METTL21A: variants seen among roughly 807,000 people sequenced by gnomAD.
METTL21A encodes protein N-lysine methyltransferase METTL21A.
Under a neutral mutation model 20.9 loss-of-function variants are expected in METTL21A, and 22 were observed. The ratio of observed to expected loss-of-function variants is 1.05; its 90% CI spans 0.75 to 1.50. METTL21A has a LOEUF of 1.50. Ranked by LOEUF, METTL21A falls within the 40% of genes most tolerant of loss-of-function variation. The probability of loss-of-function intolerance (pLI) is 0.00; values close to 1 mark genes in which losing one functional copy is unlikely to be tolerated. For synonymous variants in METTL21A, 93 were observed against 102.0 expected (o/e 0.91, Z 0.53); for missense variants, 271 against 266.8 (o/e 1.02, Z -0.11).
intron 2 of METTL21A, among the ~76,000 whole-genome samples, chr2:207,622,343 G>GT (rs1425269304): frequency 6.6e-6 from 1 of 151,738 alleles, no homozygotes; most frequent in Middle Eastern, 3.2e-3. Context: ...AATTTTTGTA[G>GT]TTTTTTTGGT....
intron 3 of METTL21A, among the ~76,000 whole-genome samples, chr2:207,587,209 C>T (rs945074480): frequency 5.9e-5 from 9 of 152,074 alleles, no homozygotes; most frequent in Non-Finnish European, 1.2e-4. Flanking sequence ...CTGGCTAACA[C>T]GGTGAAACTC....
intron 2 of METTL21A, 44 bp downstream of exon 2, chr2:207,624,185 T>C (rs2090840855): frequency 6.5e-7 from 1 of 1,538,634 alleles, no homozygotes; most frequent in East Asian, 2.3e-5. Flanking sequence ...AAAGCCAGTC[T>C]TGCAAGTGTG....
At chr2:207,624,114 G>A (rs1196968302) in intron 2 of METTL21A, 115 bp downstream of exon 2, 2 of 1,249,136 alleles carry the variant, frequency 1.6e-6, no homozygotes, top group African/African-American at 3.1e-5. Context: ...CTTTAAATAG[G>A]TAAAGTGTAT....
At chr2:207,584,503 A>C (rs1349165731) in intron 3 of METTL21A, among the ~76,000 whole-genome samples, 1 of 152,134 alleles carries the variant, frequency 6.6e-6, no homozygotes, top group East Asian at 1.9e-4. Flanking sequence ...TCCTGGGTTC[A>C]AGAGATTCTC....
At position 207,613,328 on chromosome 2, in the gene METTL21A, C is replaced by T. The variant is rs1160104953; in HGVS notation, c.375G>A (p.Trp125Ter). The T allele has an allele frequency of 1.2e-6, 2 of 1,614,050 alleles. No individual in the cohort carries two copies. The highest frequency in any genetic ancestry group is 2.2e-5 in the East Asian group (1 of 44,874). ...GAGAAAAACTCCCCAAATTTTGTCCCCAAGTCAGCTCCTTAACAACAGTTT... is the reference window on the plus strand; with the variant it reads ...GAGAAAAACTCCCCAAATTTTGTCCTCAAGTCAGCTCCTTAACAACAGTTT... The change falls in exon 4 of 4, where the codon TGG becomes TGA. Residue 125 changes from tryptophan to a stop codon, truncating the protein, a stop_gained. Transcript: ENST00000406927. LOFTEE classifies it high-confidence loss of function.
At chr2:207,625,336 G>C (rs887774606) in exon 1 of METTL21A, 2 of 152,064 alleles carry the variant, frequency 1.3e-5, no homozygotes, top group Non-Finnish European at 2.9e-5. Context: ...GAAAACCGCC[G>C]GCCTTAAAGA....
chr2:207,621,658 C>T, intron 3 of METTL21A, 148 bp downstream of exon 3: 1 of 652,262 alleles, frequency 1.5e-6, no homozygotes, highest in Non-Finnish European at 2.7e-6. Flanking sequence ...GAGTTAAGAA[C>T]CCCAGCAGTT....
At chr2:207,587,406 A>G (rs1481123211) in intron 3 of METTL21A, among the ~76,000 whole-genome samples, 2 of 151,176 alleles carry the variant, frequency 1.3e-5, no homozygotes, top group Non-Finnish European at 2.9e-5. Flanking sequence ...AAAAAAAAAA[A>G]GGAAAAAGAA....
chr2:207,622,287 G>A (rs2090588558), intron 2 of METTL21A, among the ~76,000 whole-genome samples: 1 of 150,172 alleles, frequency 6.7e-6, no homozygotes, highest in South Asian at 2.1e-4. Context: ...TCCCACCTCA[G>A]CACCCCCAGT....
At chr2:207,586,161 T>C (rs909274721) in intron 3 of METTL21A, among the ~76,000 whole-genome samples, 1 of 152,118 alleles carries the variant, frequency 6.6e-6, no homozygotes, top group African/African-American at 2.4e-5. Flanking sequence ...AAGAACAACA[T>C]GGAAGGCATC....
intron 3 of METTL21A, among the ~76,000 whole-genome samples, chr2:207,588,538 C>A (rs1469975563): frequency 6.6e-6 from 1 of 152,108 alleles, no homozygotes; most frequent in African/African-American, 2.4e-5. Context: ...TTATAATCCG[C>A]TTGTTGATGT....
chr2:207,617,725 CAG>C (rs371671086), intron 3 of METTL21A, among the ~76,000 whole-genome samples: 127 of 152,214 alleles, frequency 8.3e-4, no homozygotes, highest in African/African-American at 3.0e-3. Context: ...AAAGACGAAA[CAG>C]AGGCAGACAG....
downstream of METTL21A, chr2:207,581,652 C>T (rs781260764): frequency 1.2e-5 from 5 of 424,668 alleles, no homozygotes; most frequent in Admixed American, 4.1e-5. Flanking sequence ...TTTAAAAATA[C>T]AGAGTTCCGG....
chr2:207,622,013 G>A lies in METTL21A; in HGVS notation c.148-96C>T, dbSNP rs886341342. 4.5e-5 allele frequency: 46 copies of A among 1,015,654 alleles called. No homozygotes were observed. The African/African-American group carries it at 5.9e-4, about 13-fold the overall frequency. 62.9% of individuals were successfully genotyped at this position (1,015,654 alleles called of 1,614,324 possible). A position where few individuals can be genotyped will look rare whatever the true frequency, so the allele number is the denominator to read the frequency against. On this transcript the variant is annotated intron_variant, in intron 2 of 3. Coordinates refer to ENST00000406927, the Ensembl canonical transcript of METTL21A. ...GCTACACCCACCCCTCTCCCACTTC[G>A]AGGTTCAATTCCCAGCTTAACAACA...
chr2:207,595,654 T>A (rs550081123), intron 3 of METTL21A, among the ~76,000 whole-genome samples: 1 of 152,096 alleles, frequency 6.6e-6, no homozygotes, highest in Non-Finnish European at 1.5e-5. Flanking sequence ...ACCTAAGACC[T>A]CCTGGGCTTA....
intron 3 of METTL21A, chr2:207,620,614 C>T (rs754494358): frequency 1.2e-5 from 18 of 1,472,536 alleles, no homozygotes; most frequent in African/African-American, 2.8e-5. Flanking sequence ...TAATACCTAA[C>T]ATACACGGGA....
At chr2:207,589,557 T>C (rs916700566) in intron 3 of METTL21A, among the ~76,000 whole-genome samples, 1 of 152,224 alleles carries the variant, frequency 6.6e-6, no homozygotes, top group African/African-American at 2.4e-5. Context: ...ATGGACACCT[T>C]TGGGGGACCT....
exon 3 of METTL21A, chr2:207,621,899 A>T: frequency 6.2e-7 from 1 of 1,614,124 alleles, no homozygotes; most frequent in Non-Finnish European, 8.5e-7. Context: ...ATCTCCAGGT[A>T]TGTGGAAAGA....
chr2:207,591,574 A>C (rs1214089601), intron 3 of METTL21A, among the ~76,000 whole-genome samples: 1 of 152,154 alleles, frequency 6.6e-6, no homozygotes, highest in East Asian at 1.9e-4. Context: ...CTAGGATTAC[A>C]GGTGTGCGCC....
Sources: allele counts gnomAD v4.1 joint callset (sites outside exome capture counted in the v4.1 genomes callset), GRCh38; gene constraint gnomAD v4.1.1; transcripts MANE v1.5; gene names NCBI Gene and HGNC (gene_info 2026-07-23, HGNC 2026-07-21).